Variants in EDNRB observed in about 807,000 individuals in gnomAD.
The protein encoded by EDNRB is Hirschsprung disease 2.
Under a neutral mutation model 46.4 loss-of-function variants are expected in EDNRB, and 18 were observed. The ratio of observed to expected loss-of-function variants is 0.39; its 90% CI spans 0.27 to 0.57. The LOEUF (loss-of-function observed/expected upper bound fraction) is 0.57, where lower values mean the gene tolerates loss of function less well. EDNRB is among the 20% of genes least tolerant of loss of function. EDNRB has a pLI of 0.61. For missense variants in EDNRB, 434 were observed against 537.5 expected (o/e 0.81, Z 1.90); for synonymous variants, 213 against 204.9 (o/e 1.04, Z -0.34).
At chr13:77,967,909 T>A (rs1236658853) in intron 1 of EDNRB, among the ~76,000 whole-genome samples, 1 of 152,158 alleles carries the variant, frequency 6.6e-6, no homozygotes, top group Non-Finnish European at 1.5e-5. Context: ...TGATGCTTCT[T>A]CTCAGCCTTG....
At chr13:77,912,775 A>C (rs1226101982) in intron 1 of EDNRB, among the ~76,000 whole-genome samples, 1 of 152,134 alleles carries the variant, frequency 6.6e-6, no homozygotes, top group Non-Finnish European at 1.5e-5. Flanking sequence ...GCTTTACATA[A>C]ATCATACAGG....
At chr13:77,937,226 T>C (rs1880594216) in intron 1 of EDNRB, among the ~76,000 whole-genome samples, 1 of 152,172 alleles carries the variant, frequency 6.6e-6, no homozygotes, top group Admixed American at 6.5e-5. Context: ...AAGCTGCCTT[T>C]TTAAGCCCTC....
intron 1 of EDNRB, among the ~76,000 whole-genome samples, chr13:77,935,588 T>C (rs1392270282): frequency 6.6e-6 from 1 of 152,098 alleles, no homozygotes; most frequent in East Asian, 1.9e-4. Flanking sequence ...TCAGACACAA[T>C]AGGCAGGGAG....
chr13:77,946,972 T>A (rs1007330978), intron 1 of EDNRB, among the ~76,000 whole-genome samples: 1 of 152,186 alleles, frequency 6.6e-6, no homozygotes, highest in African/African-American at 2.4e-5. Flanking sequence ...ACAAGTCCTA[T>A]GGGGGTACAG....
chr13:77,964,287 T>G (rs992980557), intron 1 of EDNRB, among the ~76,000 whole-genome samples: 1 of 152,178 alleles, frequency 6.6e-6, no homozygotes, highest in Non-Finnish European at 1.5e-5. Flanking sequence ...ACCCAAAGGA[T>G]TATAAATCAT....
chr13:77,966,234 A>G (rs1881578472), intron 1 of EDNRB, among the ~76,000 whole-genome samples: 1 of 152,138 alleles, frequency 6.6e-6, no homozygotes, highest in Non-Finnish European at 1.5e-5. Flanking sequence ...TCCACCCTTC[A>G]GGAAGCAAGG....
chr13:77,898,098 GCAAATACATA>G lies in EDNRB; in HGVS notation c.*92_*101del. On this transcript the variant is annotated 3_prime_UTR_variant, in exon 7 of 7. Transcript: ENST00000646607. ...ACTTAATATTTTAATAGTGTGCTGT[GCAAATACATA>G]GTTTTTTGTTTTGTTTTGGCAAATG... 1 of 1,535,242 alleles carries G rather than the reference GCAAATACATA, an allele frequency of 6.5e-7. No individual in the cohort carries two copies.
chr13:77,897,072 C>T lies in EDNRB; in HGVS notation c.*1128G>A. On this transcript the variant is annotated 3_prime_UTR_variant, in exon 7 of 7. Transcript: ENST00000646607. ...ATAGTATTTTAACTATAGCATTATACATATGCTAGAAACCATTTTAACCAC... is the reference window on the plus strand; with the variant it reads ...ATAGTATTTTAACTATAGCATTATATATATGCTAGAAACCATTTTAACCAC... 2 of 986,002 alleles carry T rather than the reference C, an allele frequency of 2.0e-6. No individual in the cohort carries two copies. Among genetic ancestry groups the T allele is most frequent in the Non-Finnish European group, 2.4e-6 (2 of 830,440 alleles). 61.1% of individuals were successfully genotyped at this position (986,002 alleles called of 1,614,324 possible).
intron 1 of EDNRB, among the ~76,000 whole-genome samples, chr13:77,906,063 C>A (rs879632860): frequency 9.2e-5 from 14 of 151,798 alleles, no homozygotes; most frequent in African/African-American, 1.5e-4. Flanking sequence ...TCCTGTGCGC[C>A]CTGAGGCTGT....
intron 1 of EDNRB, among the ~76,000 whole-genome samples, chr13:77,936,167 G>C (rs1048121306): frequency 3.3e-5 from 5 of 152,118 alleles, no homozygotes; most frequent in Non-Finnish European, 7.3e-5. Context: ...TCTTATACTT[G>C]TGGGTTAAGG....
At chr13:77,935,647 G>A (rs1267227496) in intron 1 of EDNRB, among the ~76,000 whole-genome samples, 3 of 152,304 alleles carry the variant, frequency 2.0e-5, no homozygotes, top group Non-Finnish European at 1.5e-5. Flanking sequence ...AACAGATGAG[G>A]AAGAAATTTG....
intron 1 of EDNRB, among the ~76,000 whole-genome samples, chr13:77,907,316 G>T (rs907553612): frequency 6.6e-6 from 1 of 152,020 alleles, no homozygotes; most frequent in Admixed American, 6.6e-5. Flanking sequence ...GAAGGAATTT[G>T]CCCCTTTTTC....
intron 1 of EDNRB, among the ~76,000 whole-genome samples, chr13:77,953,010 C>T (rs1022685635): frequency 1.3e-5 from 2 of 152,174 alleles, no homozygotes; most frequent in Admixed American, 1.3e-4. Flanking sequence ...AAATGCATCT[C>T]AAGACACTGG....
chr13:77,947,487 C>CT (rs1244696866), intron 1 of EDNRB: 1 of 151,908 alleles, frequency 6.6e-6, no homozygotes, highest in Non-Finnish European at 1.5e-5. Flanking sequence ...GAAACTTTGT[C>CT]TTTTTATTTT....
intron 1 of EDNRB, among the ~76,000 whole-genome samples, chr13:77,951,027 G>A (rs548848773): frequency 3.3e-5 from 5 of 152,252 alleles, no homozygotes; most frequent in Admixed American, 2.6e-4. Context: ...GATCCCTGTC[G>A]AAAATTGAAT....
intron 1 of EDNRB, among the ~76,000 whole-genome samples, chr13:77,930,514 G>C (rs1249397186): frequency 6.6e-6 from 1 of 152,070 alleles, no homozygotes; most frequent in African/African-American, 2.4e-5. Context: ...CCAAAAATTA[G>C]CATGTCTGAT....
At chr13:77,973,694 A>C (rs538006181) in intron 1 of EDNRB, among the ~76,000 whole-genome samples, 46 of 152,176 alleles carry the variant, frequency 3.0e-4, no homozygotes, top group Admixed American at 1.9e-3. Flanking sequence ...CTTGCACATA[A>C]ACTGTTTCTT....
intron 1 of EDNRB, among the ~76,000 whole-genome samples, chr13:77,952,226 G>A (rs947767750): frequency 6.6e-6 from 1 of 152,170 alleles, no homozygotes; most frequent in Non-Finnish European, 1.5e-5. Context: ...GAGAAGGAAT[G>A]CATCCACCCT....
intron 1 of EDNRB, among the ~76,000 whole-genome samples, chr13:77,938,373 G>T (rs1199361784): frequency 6.6e-6 from 1 of 151,930 alleles, no homozygotes; most frequent in African/African-American, 2.4e-5. Flanking sequence ...TTAGGGATTG[G>T]GGGGTTCTTG....
Sources: allele counts gnomAD v4.1 joint callset (sites outside exome capture counted in the v4.1 genomes callset), GRCh38; gene constraint gnomAD v4.1.1; transcripts MANE v1.5; gene names NCBI Gene and HGNC (gene_info 2026-07-23, HGNC 2026-07-21).